RORA: variants seen among roughly 807,000 people sequenced by gnomAD.
The protein encoded by RORA is nuclear receptor ROR-alpha.
RORA carries 7 observed loss-of-function variants against 69.5 expected under a neutral mutation model. That is an observed-to-expected ratio of 0.10 (90% CI 0.06 to 0.19). The LOEUF (loss-of-function observed/expected upper bound fraction) is 0.19, where lower values mean the gene tolerates loss of function less well. Ranked by LOEUF, RORA falls within the 10% of genes least tolerant of loss-of-function variation. The probability of loss-of-function intolerance (pLI) is 1.00; values close to 1 mark genes in which losing one functional copy is unlikely to be tolerated. For missense variants in RORA, 457 were observed against 663.0 expected, an observed-to-expected ratio of 0.69 and a Z score of 3.41; for synonymous variants, 261 against 240.8, an observed-to-expected ratio of 1.08 and a Z score of -0.78.
At chr15:60,914,592 T>A (rs552544276) in intron 1 of RORA, among the ~76,000 whole-genome samples, 13 of 152,338 alleles carry the variant, frequency 8.5e-5, no homozygotes, top group African/African-American at 2.6e-4. Flanking sequence ...AAATGAATAT[T>A]TCATAGTCCA....
At chr15:60,929,070 T>A (rs1892297713) in intron 1 of RORA, among the ~76,000 whole-genome samples, 1 of 152,130 alleles carries the variant, frequency 6.6e-6, no homozygotes, top group African/African-American at 2.4e-5. Context: ...GCTGGGTCCA[T>A]TGGAGGAGCA....
At chr15:61,219,817 C>T (rs559502670) in intron 1 of RORA, among the ~76,000 whole-genome samples, 2 of 152,134 alleles carry the variant, frequency 1.3e-5, no homozygotes, top group Admixed American at 6.5e-5. Flanking sequence ...TAATAAAATA[C>T]GACCAAGTGG....
intron 1 of RORA, among the ~76,000 whole-genome samples, chr15:60,896,495 C>T (rs62006819): frequency 0.085 from 12,884 of 152,282 alleles, 705 homozygotes; most frequent in Non-Finnish European, 0.12. Flanking sequence ...GTCTTAGTTA[C>T]AGGCCTGGTT....
intron 1 of RORA, among the ~76,000 whole-genome samples, chr15:60,898,057 T>C (rs1891278266): frequency 6.6e-6 from 1 of 152,244 alleles, no homozygotes; most frequent in Admixed American, 6.5e-5. Context: ...GAAGCTGTAA[T>C]TGTTTAGAAT....
chr15:60,825,243 C>T (rs2072941044), intron 1 of RORA, among the ~76,000 whole-genome samples: 1 of 152,168 alleles, frequency 6.6e-6, no homozygotes, highest in South Asian at 2.1e-4. Context: ...GCTTCTAGAA[C>T]CACACCTCAG....
intron 1 of RORA, among the ~76,000 whole-genome samples, chr15:60,719,331 G>T (rs1212753294): frequency 6.6e-6 from 1 of 152,000 alleles, no homozygotes; most frequent in African/African-American, 2.4e-5. Context: ...TAGCAGGAGG[G>T]GTAAGTGAAA....
intron 1 of RORA, among the ~76,000 whole-genome samples, chr15:61,057,370 C>T (rs1373589004): frequency 3.9e-5 from 6 of 152,204 alleles, no homozygotes; most frequent in African/African-American, 1.4e-4. Flanking sequence ...AAACATTTGA[C>T]TTTTATGCCC....
At chr15:61,220,686 C>T (rs939642019) in intron 1 of RORA, among the ~76,000 whole-genome samples, 1 of 152,198 alleles carries the variant, frequency 6.6e-6, no homozygotes, top group African/African-American at 2.4e-5. Context: ...TCACCGTGCC[C>T]TTCAGACCTA....
chr15:61,104,473 C>T (rs998824809), intron 1 of RORA, among the ~76,000 whole-genome samples: 1 of 152,142 alleles, frequency 6.6e-6, no homozygotes, highest in Non-Finnish European at 1.5e-5. Flanking sequence ...TTTGTTACCA[C>T]CAGCTTTCAT....
In RORA at chr15:61,074,648, A is replaced by G. The variant is rs568623788; in HGVS notation, c.166+154405T>C. On this transcript the variant is annotated intron_variant, in intron 1 of 10. Coordinates refer to ENST00000335670, the MANE Select transcript of RORA (RefSeq NM_134261.3). ...TTTTAAAAAATCATTATTCTACTGG[A>G]CTATTCCAAGGGAAAGTTCATGAGG... Among the ~76,000 whole-genome samples, 25 of 152,286 alleles carry G rather than the reference A, an allele frequency of 1.6e-4. 1 individual carries two copies. The South Asian group carries it at 4.8e-3, about 29-fold the overall frequency.
chr15:60,938,264 C>G (rs1275152821), intron 1 of RORA, among the ~76,000 whole-genome samples: 1 of 152,170 alleles, frequency 6.6e-6, no homozygotes, highest in African/African-American at 2.4e-5. Flanking sequence ...AAAACAATGT[C>G]TAAAACAGGT....
At chr15:60,877,702 T>C (rs1194613344) in intron 1 of RORA, among the ~76,000 whole-genome samples, 1 of 152,188 alleles carries the variant, frequency 6.6e-6, no homozygotes, top group Non-Finnish European at 1.5e-5. Context: ...TCAAGATCCA[T>C]ATTAATGGAG....
intron 6 of RORA, among the ~76,000 whole-genome samples, chr15:60,505,225 T>C (rs2065460987): frequency 6.6e-6 from 1 of 152,218 alleles, no homozygotes; most frequent in Admixed American, 6.5e-5. Context: ...TCAATTCATT[T>C]AGACTTTTGG....
At chr15:61,050,359 A>G (rs1157335970) in intron 1 of RORA, among the ~76,000 whole-genome samples, 3 of 152,214 alleles carry the variant, frequency 2.0e-5, no homozygotes, top group East Asian at 3.8e-4. Flanking sequence ...TACTTCACTC[A>G]TGATATCAAT....
At chr15:60,877,302 C>A (rs1229171897) in intron 1 of RORA, among the ~76,000 whole-genome samples, 1 of 152,186 alleles carries the variant, frequency 6.6e-6, no homozygotes, top group Non-Finnish European at 1.5e-5. Context: ...GTTTCTTTCA[C>A]CTGCTTGGTG....
intron 2 of RORA, among the ~76,000 whole-genome samples, chr15:60,649,844 G>C (rs1017873933): frequency 6.6e-6 from 1 of 152,082 alleles, no homozygotes; most frequent in African/African-American, 2.4e-5. Flanking sequence ...CCTTAACTTG[G>C]CCTTTGTATC....
intron 2 of RORA, among the ~76,000 whole-genome samples, chr15:60,633,530 C>A (rs1375882499): frequency 6.6e-6 from 1 of 152,114 alleles, no homozygotes; most frequent in Non-Finnish European, 1.5e-5. Context: ...CTTAAATAGC[C>A]CCCTTCCTAA....
intron 1 of RORA, among the ~76,000 whole-genome samples, chr15:61,132,802 A>C (rs1185015527): frequency 3.3e-5 from 5 of 152,188 alleles, no homozygotes; most frequent in Non-Finnish European, 7.4e-5. Flanking sequence ...CGCAGCCCAT[A>C]AATTTGGTAC....
chr15:60,820,529 G>T (rs1371755846), intron 1 of RORA, among the ~76,000 whole-genome samples: 1 of 151,850 alleles, frequency 6.6e-6, no homozygotes, highest in Admixed American at 6.6e-5. Flanking sequence ...GAAGGTTTAA[G>T]ATTTGAGGGA....
Sources: gnomAD v4.1 joint callset for allele counts (sites outside exome capture counted in the v4.1 genomes callset) on GRCh38, gnomAD v4.1.1 for gene constraint, MANE v1.5 for transcripts, NCBI Gene and HGNC (gene_info 2026-07-23, HGNC 2026-07-21) for gene names.